Variants in POU6F2 observed in about 807,000 individuals in gnomAD.
The protein encoded by POU6F2 is POU class 6 homeobox 2.
Under a neutral mutation model 71.3 loss-of-function variants are expected in POU6F2, and 31 were observed. That is an observed-to-expected ratio of 0.43 (90% confidence interval 0.33 to 0.59). The LOEUF (loss-of-function observed/expected upper bound fraction) is 0.59. Among genes scored for constraint, POU6F2 ranks in the 20% least tolerant of loss-of-function variants. The pLI, the probability that POU6F2 is intolerant of heterozygous loss-of-function variation, is 0.04. For synonymous variants in POU6F2, 347 were observed against 355.7 expected (o/e 0.98, Z 0.27); for missense variants, 783 against 856.8 (o/e 0.91, Z 1.07).
Position 38,991,051 on chromosome 7 carries a change from T to C in POU6F2, c.105+12993T>C, listed in dbSNP as rs1265921552. ...AAGAAATAGAGATTTGAAGGAAATA[T>C]TGAAGACAAGAGACTATGCTGCCCC... On this transcript the variant is annotated intron_variant, in intron 1 of 9. Coordinates refer to ENST00000518318, the MANE Select transcript of POU6F2 (RefSeq NM_001370959.1). Among the ~76,000 whole-genome samples, 3 of 152,122 alleles carry C rather than the reference T, an allele frequency of 2.0e-5. No homozygotes were observed. In the East Asian group the frequency reaches 5.8e-4, roughly 29 times the overall value.
chr7:39,116,495 C>T (rs1791932965), intron 2 of POU6F2, among the ~76,000 whole-genome samples: 1 of 152,246 alleles, frequency 6.6e-6, no homozygotes, highest in Admixed American at 6.5e-5. Flanking sequence ...TCATATGTAA[C>T]CTCATTTAAT....
rs1484814546 is a variant in POU6F2, at chr7:39,425,279, GA to G, written c.1114-7797del. Among the ~76,000 whole-genome samples the G allele has an allele frequency of 3.3e-5, 5 of 151,524 alleles. No homozygotes were observed. In the Admixed American group the frequency reaches 3.3e-4, roughly 10 times the overall value. On this transcript the variant is annotated intron_variant, in intron 6 of 9. Transcript: ENST00000518318. ...ACTACACAAACAAAAGACTGTTCAA[GA>G]GCGTGTTTGGGAGTTTGGTATTTAA... is the stretch of plus-strand genomic sequence containing the variant.
chr7:39,029,509 T>C (rs1351747070), intron 1 of POU6F2, among the ~76,000 whole-genome samples: 1 of 151,770 alleles, frequency 6.6e-6, no homozygotes, highest in Admixed American at 6.6e-5. Context: ...GGGTGGATGA[T>C]GAGAAATTAT....
intron 1 of POU6F2, among the ~76,000 whole-genome samples, chr7:39,082,478 C>T (rs111296451): frequency 3.9e-5 from 6 of 152,154 alleles, no homozygotes; most frequent in African/African-American, 4.8e-5. Flanking sequence ...TCCTGTTTAC[C>T]GCTGCAGAGA....
At chr7:39,035,365 T>C (rs1790034407) in intron 1 of POU6F2, among the ~76,000 whole-genome samples, 1 of 152,146 alleles carries the variant, frequency 6.6e-6, no homozygotes, top group Admixed American at 6.6e-5. Context: ...TGAGATATGC[T>C]GTATGTCATT....
At chr7:39,295,760 A>C (rs1562780403) in intron 4 of POU6F2, among the ~76,000 whole-genome samples, 1 of 152,264 alleles carries the variant, frequency 6.6e-6, no homozygotes, top group Non-Finnish European at 1.5e-5. Context: ...ACAATTGTCT[A>C]AAATTCATCC....
chr7:39,142,254 T>C (rs554759292), intron 2 of POU6F2, among the ~76,000 whole-genome samples: 21 of 152,350 alleles, frequency 1.4e-4, no homozygotes, highest in Admixed American at 1.0e-3. Flanking sequence ...GGCTGGCAGC[T>C]GCACTGTGCC....
At chr7:39,258,970 T>A (rs895890765) in intron 4 of POU6F2, among the ~76,000 whole-genome samples, 1 of 152,208 alleles carries the variant, frequency 6.6e-6, no homozygotes, top group African/African-American at 2.4e-5. Context: ...TTGCACCTAA[T>A]TTTTTTCTTA....
intron 4 of POU6F2, among the ~76,000 whole-genome samples, chr7:39,245,713 G>C (rs1296566303): frequency 6.6e-6 from 1 of 152,092 alleles, no homozygotes; most frequent in African/African-American, 2.4e-5. Context: ...AAACCTTAGA[G>C]GTCTCCAGTA....
At chr7:39,198,200 G>A (rs1224929743) in intron 2 of POU6F2, among the ~76,000 whole-genome samples, 1 of 152,138 alleles carries the variant, frequency 6.6e-6, no homozygotes, top group Non-Finnish European at 1.5e-5. Context: ...AAGACTGAGG[G>A]ATGTTTAGTA....
intron 5 of POU6F2, among the ~76,000 whole-genome samples, chr7:39,346,652 G>A (rs545917563): frequency 6.6e-6 from 1 of 152,204 alleles, no homozygotes; most frequent in Middle Eastern, 3.2e-3. Flanking sequence ...ATAGATGCAG[G>A]GTCTAGTGGC....
intron 1 of POU6F2, among the ~76,000 whole-genome samples, chr7:39,054,553 G>A (rs1368873691): frequency 6.6e-6 from 1 of 152,038 alleles, no homozygotes; most frequent in African/African-American, 2.4e-5. Flanking sequence ...AAGTAAATGT[G>A]AATGAATACA....
chr7:39,367,898 T>C (rs1786535430), intron 5 of POU6F2, among the ~76,000 whole-genome samples: 2 of 152,210 alleles, frequency 1.3e-5, no homozygotes, highest in East Asian at 1.9e-4. Flanking sequence ...GTAATTGTTT[T>C]GGGGTGCTAC....
chr7:39,373,557 G>A (rs559387378), intron 5 of POU6F2: 4 of 456,628 alleles, frequency 8.8e-6, no homozygotes, highest in Non-Finnish European at 1.3e-5. Flanking sequence ...AAATGATTCA[G>A]AACCAAGCAC....
chr7:39,330,104 AT>A (rs1785608926), intron 4 of POU6F2, among the ~76,000 whole-genome samples: 1 of 152,212 alleles, frequency 6.6e-6, no homozygotes, highest in East Asian at 1.9e-4. Context: ...GGAGAATCAC[AT>A]TTAACCGTTT....
chr7:39,111,599 A>G (rs185013143), intron 2 of POU6F2, among the ~76,000 whole-genome samples: 2 of 152,024 alleles, frequency 1.3e-5, no homozygotes, highest in African/African-American at 2.4e-5. Context: ...ACTTAAATAC[A>G]TTAGATATAG....
intron 6 of POU6F2, among the ~76,000 whole-genome samples, chr7:39,428,358 T>C (rs1788020106): frequency 6.6e-6 from 1 of 152,236 alleles, no homozygotes; most frequent in African/African-American, 2.4e-5. Context: ...AAGCCAGAAC[T>C]GTTTTAGGTC....
intron 4 of POU6F2, among the ~76,000 whole-genome samples, chr7:39,296,819 C>G (rs1461728489): frequency 6.6e-6 from 1 of 152,230 alleles, no homozygotes; most frequent in African/African-American, 2.4e-5. Flanking sequence ...GTTTTGTTCA[C>G]TATGGTTTCT....
At chr7:39,350,529 G>A (rs918638651) in intron 5 of POU6F2, among the ~76,000 whole-genome samples, 1 of 152,176 alleles carries the variant, frequency 6.6e-6, no homozygotes, top group Non-Finnish European at 1.5e-5. Flanking sequence ...GCACTCCATG[G>A]AAGGAATCTG....
Sources: gnomAD v4.1 joint callset for allele counts (sites outside exome capture counted in the v4.1 genomes callset) on GRCh38, gnomAD v4.1.1 for gene constraint, MANE v1.5 for transcripts, NCBI Gene and HGNC (gene_info 2026-07-23, HGNC 2026-07-21) for gene names.